Variants in PIK3R4 observed in about 807,000 individuals in gnomAD.
PIK3R4 encodes phosphoinositide-3-kinase regulatory subunit 4.
PIK3R4 carries 46 observed loss-of-function variants against 136.5 expected under a neutral mutation model. The observed-to-expected ratio is 0.34, with a 90% CI of 0.27 to 0.43. The LOEUF is 0.43. Ranked by LOEUF, PIK3R4 falls within the 20% of genes least tolerant of loss-of-function variation. The pLI, the probability that PIK3R4 is intolerant of heterozygous loss-of-function variation, is 1.00. For missense variants in PIK3R4, 1,331 were observed against 1,649.5 expected (o/e 0.81, Z 3.35); for synonymous variants, 557 against 566.7 (o/e 0.98, Z 0.24).
chr3:130,732,577 G>A (rs1261597658), intron 4 of PIK3R4, among the ~76,000 whole-genome samples: 1 of 152,052 alleles, frequency 6.6e-6, no homozygotes, highest in African/African-American at 2.4e-5. Context: ...TGGGCCTGAA[G>A]TTCATACCTG....
chr3:130,728,716 AAAGAAAAGAAATAGTT>A, intron 5 of PIK3R4, 32 bp from the exon 6 acceptor site: 1 of 1,407,032 alleles, frequency 7.1e-7, no homozygotes, highest in Non-Finnish European at 9.7e-7. Flanking sequence ...AGAAAGAAAG[AAAGAAAAGAAATAGTT>A]AAGAAAAGAT....
rs1271945083 is a variant in PIK3R4 at position 130,708,306 on chromosome 3, G to A, written c.2518C>T (p.Pro840Ser). 2.5e-6 allele frequency: 4 copies of A among 1,613,360 alleles called. No homozygotes were observed. Among genetic ancestry groups the A allele is most frequent in the Non-Finnish European group, 3.4e-6 (4 of 1,179,462 alleles). The stretch of plus-strand genomic sequence containing the variant: ...GCATACTAACCCCGTTTGTCATCTG[G>A]TTCTTGTTTGGTTTTAACAAGATCA... ...QVDLVKTKQE[P>S]DDKRARKHVK... The change falls in exon 10 of 20, where the codon CCA becomes TCA. Residue 840 changes from proline (P) to serine (S), a missense_variant. This residue lies in a region of PIK3R4 where 1,180 missense variants were observed against 1,407.0 expected (regional missense o/e 0.84). Transcript: ENST00000356763.
In PIK3R4 at chr3:130,728,641, A is replaced by G. The variant is rs946488691; in HGVS notation, c.1629T>C (p.Thr543=). ...CAATATTTTCAGGGTCACTTAGCAA[A>G]GTAACAACTTTCTGCTGGACCATTT... ...LHEMVQQKVV[T]LLSDPENIVK... The change falls in exon 6 of 20, where the codon ACT becomes ACC. Residue 543 remains threonine (T), a synonymous_variant. Transcript: ENST00000356763. 1 of 1,609,828 alleles carries G rather than the reference A, an allele frequency of 6.2e-7. No homozygotes were observed. Among genetic ancestry groups the G allele is most frequent in the Non-Finnish European group, 8.5e-7 (1 of 1,178,178 alleles).
intron 2 of PIK3R4, among the ~76,000 whole-genome samples, chr3:130,737,998 T>G (rs1330802881): frequency 2.0e-5 from 3 of 152,198 alleles, no homozygotes; most frequent in Admixed American, 6.5e-5. Flanking sequence ...ACATGCCCAC[T>G]AGAACGCAAT....
intron 4 of PIK3R4, among the ~76,000 whole-genome samples, chr3:130,731,489 A>G (rs1003924088): frequency 2.6e-5 from 4 of 152,172 alleles, no homozygotes; most frequent in Admixed American, 2.6e-4. Flanking sequence ...TAAATACCCT[A>G]TAACGCCTGC....
At position 130,679,264 on chromosome 3, in the gene PIK3R4, A is replaced by AGTT. The variant is rs1458813006; in HGVS notation, c.*48_*50dup. On this transcript the variant is annotated 3_prime_UTR_variant, in exon 20 of 20. Coordinates refer to ENST00000356763, the MANE Select transcript of PIK3R4 (RefSeq NM_014602.3). ...TGTTCTCTAGAAATGCCTTTTCTCG[A>AGTT]GTTATAGTATTATATTTATAACTAT... The AGTT allele has an allele frequency of 2.6e-6, 3 of 1,153,776 alleles. No individual in the cohort carries two copies. Among genetic ancestry groups the AGTT allele is most frequent in the African/African-American group, 1.6e-5 (1 of 63,266 alleles). 71.5% of individuals were successfully genotyped at this position (1,153,776 alleles called of 1,614,324 possible).
chr3:130,719,244 T>G (rs1413452159), intron 7 of PIK3R4, among the ~76,000 whole-genome samples: 1 of 152,220 alleles, frequency 6.6e-6, no homozygotes, highest in Non-Finnish European at 1.5e-5. Flanking sequence ...TGATTTCAAC[T>G]AATCGACATT....
chr3:130,725,747 A>G (rs2066727727), intron 6 of PIK3R4, among the ~76,000 whole-genome samples: 1 of 152,088 alleles, frequency 6.6e-6, no homozygotes, highest in Admixed American at 6.5e-5. Context: ...CGAAAAGAAC[A>G]AGAAAAGCAT....
chr3:130,686,389 C>T lies in PIK3R4; in HGVS notation c.3297G>A (p.Val1099=), dbSNP rs776037230. The change falls in exon 15 of 20, where the codon GTG becomes GTA. Residue 1099 remains valine (V), a synonymous_variant. Transcript: ENST00000356763. The part of the protein sequence containing the change: ...ILDQKEDGCV[V]DMHHFNSGAQ... ...CTCCAGAGTTGAAGTGATGCATATC[C>T]ACAACACAACCGTCCTCCTTCTGAT... 6.2e-6 allele frequency: 10 copies of T among 1,612,018 alleles called. No individual in the cohort carries two copies. The highest frequency in any genetic ancestry group is 8.5e-6 in the Non-Finnish European group (10 of 1,178,126).
intron 3 of PIK3R4, among the ~76,000 whole-genome samples, chr3:130,735,468 G>A (rs2066781016): frequency 6.6e-6 from 1 of 152,042 alleles, no homozygotes; most frequent in South Asian, 2.1e-4. Flanking sequence ...ATATGCAATG[G>A]CCCTGTATTG....
intron 2 of PIK3R4, among the ~76,000 whole-genome samples, chr3:130,736,672 T>TC (rs11459969): frequency 0.019 from 2,952 of 152,304 alleles, 93 homozygotes; most frequent in African/African-American, 0.067. Flanking sequence ...ACTTTTTTTT[T>TC]CAAGTATGGA....
intron 9 of PIK3R4, among the ~76,000 whole-genome samples, chr3:130,715,121 C>CTTTTTTTT (rs1170237161): frequency 8.3e-6 from 1 of 119,914 alleles, no homozygotes; most frequent in African/African-American, 3.1e-5. Context: ...TTTTTCCCGA[C>CTTTTTTTT]TTTTTTTTTT....
At chr3:130,703,615 T>G in intron 13 of PIK3R4, 108 bp downstream of exon 13, 1 of 742,020 alleles carries the variant, frequency 1.3e-6, no homozygotes, top group Non-Finnish European at 2.2e-6. Flanking sequence ...GTCCATTTAT[T>G]GTTGCTGTAT....
intron 2 of PIK3R4, among the ~76,000 whole-genome samples, chr3:130,738,931 A>T (rs528990208): frequency 6.6e-6 from 1 of 152,270 alleles, no homozygotes; most frequent in South Asian, 2.1e-4. Context: ...TTGAATGTGG[A>T]GGACGTATTT....
intron 11 of PIK3R4, among the ~76,000 whole-genome samples, chr3:130,706,426 C>T (rs2066606454): frequency 6.6e-6 from 1 of 152,142 alleles, no homozygotes; most frequent in African/African-American, 2.4e-5. Context: ...AATGGGATGG[C>T]TATATGGGTA....
chr3:130,702,181 T>G (rs2066578240), intron 13 of PIK3R4, among the ~76,000 whole-genome samples: 1 of 152,084 alleles, frequency 6.6e-6, no homozygotes, highest in African/African-American at 2.4e-5. Context: ...AATAGATTGA[T>G]GGGAGGCAGA....
chr3:130,728,392 C>T, intron 6 of PIK3R4, 71 bp downstream of exon 6: 1 of 890,492 alleles, frequency 1.1e-6, no homozygotes, highest in East Asian at 2.7e-5. Flanking sequence ...ATCATCTATC[C>T]TTCAGATTGC....
intron 13 of PIK3R4, among the ~76,000 whole-genome samples, chr3:130,697,425 T>A (rs1408106498): frequency 1.3e-5 from 2 of 152,188 alleles, no homozygotes; most frequent in Non-Finnish European, 2.9e-5. Context: ...TTCTTTTACT[T>A]TCAGTCTATT....
At chr3:130,717,864 A>T (rs910482341) in intron 8 of PIK3R4, among the ~76,000 whole-genome samples, 32 of 152,224 alleles carry the variant, frequency 2.1e-4, no homozygotes, top group African/African-American at 6.8e-4. Flanking sequence ...AATCTAGGTG[A>T]ATAATATTTG....
Sources: allele counts gnomAD v4.1 joint callset (sites outside exome capture counted in the v4.1 genomes callset), GRCh38; gene constraint gnomAD v4.1.1; regional missense constraint gnomAD v4.1.1; transcripts MANE v1.5; gene names NCBI Gene and HGNC (gene_info 2026-07-23, HGNC 2026-07-21).